ARHGAP6: variants seen among roughly 807,000 people sequenced by gnomAD.
ARHGAP6 encodes the protein Rho GTPase activating protein 6, also known as rho GTPase-activating protein 6.
A neutral mutation model predicts 55.7 loss-of-function variants in ARHGAP6; 16 were observed. The observed-to-expected ratio is 0.29, with a 90% confidence interval of 0.19 to 0.44. The LOEUF (loss-of-function observed/expected upper bound fraction) is 0.44. Ranked by LOEUF, ARHGAP6 falls within the 20% of genes least tolerant of loss-of-function variation. ARHGAP6 has a pLI of 1.00. For missense variants in ARHGAP6, 698 were observed against 808.9 expected, an observed-to-expected ratio of 0.86 and a Z score of 1.66; for synonymous variants, 382 against 360.9, an observed-to-expected ratio of 1.06 and a Z score of -0.66.
intron 1 of ARHGAP6, among the ~76,000 whole-genome samples, chrX:11,515,647 TA>T (rs2050831074): frequency 8.9e-6 from 1 of 112,379 alleles, no homozygotes; most frequent in Admixed American, 9.5e-5. Flanking sequence ...ATTTTTCTTC[TA>T]AAACATATTT....
chrX:11,219,340 A>T (rs971081927), intron 2 of ARHGAP6, among the ~76,000 whole-genome samples: 3 of 103,526 alleles, frequency 2.9e-5, no homozygotes, highest in Non-Finnish European at 6.0e-5. Flanking sequence ...TAATGCCACA[A>T]TAAACATACG....
intron 1 of ARHGAP6, among the ~76,000 whole-genome samples, chrX:11,519,112 T>C (rs1476159165): frequency 2.1e-5 from 2 of 95,111 alleles, no homozygotes; most frequent in Admixed American, 1.2e-4. Flanking sequence ...CATGTGTCTT[T>C]ATAGCAGCAT....
intron 1 of ARHGAP6, among the ~76,000 whole-genome samples, chrX:11,479,728 C>T (rs906998133): frequency 8.9e-6 from 1 of 111,973 alleles, no homozygotes; most frequent in Non-Finnish European, 1.9e-5. Flanking sequence ...TACAGAAGCT[C>T]ATCTCTCCTG....
chrX:11,395,961 G>C (rs2049472147), intron 1 of ARHGAP6, among the ~76,000 whole-genome samples: 2 of 111,014 alleles, frequency 1.8e-5, no homozygotes, highest in Non-Finnish European at 3.8e-5. Context: ...AGTAATATTT[G>C]TTTTTAAAAA....
intron 1 of ARHGAP6, among the ~76,000 whole-genome samples, chrX:11,373,087 A>T (rs1350776288): frequency 1.6e-5 from 1 of 63,744 alleles, no homozygotes; most frequent in East Asian, 8.1e-4. Context: ...TTTCACACAC[A>T]CACACAAACA....
At chrX:11,358,431 A>ATCTTTCTTTCTTTCTT (rs546950014) in intron 1 of ARHGAP6, among the ~76,000 whole-genome samples, 1,167 of 72,474 alleles carry the variant, frequency 0.016, 17 homozygotes, top group Middle Eastern at 0.024. Context: ...TTTTAACTGT[A>ATCTTTCTTTCTTTCTT]TCTTTCTTTC....
chrX:11,661,571 C>G (rs1475411902), intron 1 of ARHGAP6, among the ~76,000 whole-genome samples: 1 of 112,323 alleles, frequency 8.9e-6, no homozygotes, highest in African/African-American at 3.2e-5. Context: ...TCTGAAAGAA[C>G]AAAGTGGGAA....
At chrX:11,159,510 AG>A (rs760735641) in intron 9 of ARHGAP6, among the ~76,000 whole-genome samples, 1 of 110,541 alleles carries the variant, frequency 9.0e-6, no homozygotes, top group East Asian at 2.9e-4. Flanking sequence ...AGGGAGAGGG[AG>A]AAGAAAGGAT....
intron 2 of ARHGAP6, among the ~76,000 whole-genome samples, chrX:11,217,622 A>C (rs1049189919): frequency 3.9e-4 from 44 of 112,019 alleles, no homozygotes; most frequent in Non-Finnish European, 5.1e-4. Flanking sequence ...GCCTTTTGTT[A>C]GATGGATAGA....
intron 1 of ARHGAP6, among the ~76,000 whole-genome samples, chrX:11,354,335 AT>A (rs2048907394): frequency 1.2e-5 from 1 of 84,504 alleles, no homozygotes; most frequent in East Asian, 3.4e-4. Flanking sequence ...CTCTATATAT[AT>A]ATATATATAT....
intron 1 of ARHGAP6, among the ~76,000 whole-genome samples, chrX:11,314,333 T>C (rs2048331007): frequency 8.9e-6 from 1 of 112,037 alleles, no homozygotes. Flanking sequence ...ATGGACCAGC[T>C]GGAGTCCAGT....
At chrX:11,323,512 A>C (rs956605962) in intron 1 of ARHGAP6, among the ~76,000 whole-genome samples, 1 of 112,033 alleles carries the variant, frequency 8.9e-6, no homozygotes, top group Non-Finnish European at 1.9e-5. Flanking sequence ...CTTTATTAAA[A>C]GTTTATGAGG....
intron 1 of ARHGAP6, among the ~76,000 whole-genome samples, chrX:11,409,323 G>A (rs1389877860): frequency 8.9e-6 from 1 of 111,870 alleles, no homozygotes; most frequent in Non-Finnish European, 1.9e-5. Flanking sequence ...AATGGGGTGG[G>A]GGGTTGTCTC....
At chrX:11,617,728 A>G (rs1259607077) in intron 1 of ARHGAP6, among the ~76,000 whole-genome samples, 1 of 111,721 alleles carries the variant, frequency 9.0e-6, no homozygotes, top group Non-Finnish European at 1.9e-5. Flanking sequence ...GCAAGACAGC[A>G]GAAAGAAGGC....
intron 1 of ARHGAP6, among the ~76,000 whole-genome samples, chrX:11,621,229 T>C (rs1185632656): frequency 8.9e-6 from 1 of 111,977 alleles, no homozygotes; most frequent in Non-Finnish European, 1.9e-5. Flanking sequence ...AATTAGCCTG[T>C]GAATCAAAAT....
chrX:11,462,462 T>G (rs1283705224), intron 1 of ARHGAP6, among the ~76,000 whole-genome samples: 2 of 112,172 alleles, frequency 1.8e-5, no homozygotes, highest in Non-Finnish European at 3.8e-5. Flanking sequence ...GTTTCCTCCA[T>G]CCCAACTGTC....
At chrX:11,241,531 C>CGTGTGT (rs55815640) in intron 2 of ARHGAP6, among the ~76,000 whole-genome samples, 156 of 91,719 alleles carry the variant, frequency 1.7e-3, no homozygotes, top group East Asian at 0.016. Flanking sequence ...ATGCTGGATA[C>CGTGTGT]GTGTGTGTGT....
At chrX:11,607,250 AC>A (rs1359315071) in intron 1 of ARHGAP6, among the ~76,000 whole-genome samples, 1 of 111,951 alleles carries the variant, frequency 8.9e-6, no homozygotes, top group Non-Finnish European at 1.9e-5. Flanking sequence ...CTTATAGAGA[AC>A]CTTGTTTCTC....
chrX:11,365,233 C>CAG (rs1044070565), intron 1 of ARHGAP6, among the ~76,000 whole-genome samples: 3 of 112,153 alleles, frequency 2.7e-5, no homozygotes, highest in Non-Finnish European at 5.6e-5. Context: ...ACAGAGCCTG[C>CAG]AGAGAGAAGG....
Sources: allele counts gnomAD v4.1 joint callset (sites outside exome capture counted in the v4.1 genomes callset), GRCh38; gene constraint gnomAD v4.1.1; transcripts MANE v1.5; gene names NCBI Gene and HGNC (gene_info 2026-07-23, HGNC 2026-07-21).